The following PTPRK variants were observed in gnomAD, a reference collection of about 807,000 sequenced individuals.
PTPRK encodes receptor-type tyrosine-protein phosphatase kappa.
In PTPRK, 75 loss-of-function variants were observed where a neutral mutation model predicts 178.0. That is an observed-to-expected ratio of 0.42 (90% confidence interval 0.35 to 0.51). The LOEUF (loss-of-function observed/expected upper bound fraction) is 0.51, where lower values mean the gene tolerates loss of function less well. Among genes scored for constraint, PTPRK ranks in the 20% least tolerant of loss-of-function variants. The pLI is 0.02. For missense variants in PTPRK, 1,441 were observed against 1,797.8 expected (o/e 0.80, Z 3.59); for synonymous variants, 637 against 620.6 (o/e 1.03, Z -0.39).
chr6:128,403,979 G>A (rs1051053365), intron 1 of PTPRK, among the ~76,000 whole-genome samples: 4 of 152,112 alleles, frequency 2.6e-5, no homozygotes, highest in African/African-American at 9.7e-5. Flanking sequence ...GCATAGCTAT[G>A]GCTGTACTTG....
At chr6:128,510,610 C>T (rs75644833) in intron 1 of PTPRK, among the ~76,000 whole-genome samples, 2,493 of 152,192 alleles carry the variant, frequency 0.016, 33 homozygotes, top group Non-Finnish European at 0.026. Flanking sequence ...TAAATAAATG[C>T]ATACATGCAA....
rs1428930228 is a variant in PTPRK, at chr6:128,129,790, G to T, written c.1163-39798C>A. Among the ~76,000 whole-genome samples the T allele has an allele frequency of 2.6e-5, 4 of 152,074 alleles. No individual in the cohort carries two copies. The East Asian group carries it at 5.8e-4, about 22-fold the overall frequency. ...AAATTAAGGTATTGCATTTTATTAG[G>T]CATGTCCCTACTCCCATTTTGTATA... On this transcript the variant is annotated intron_variant, in intron 7 of 29. Coordinates refer to ENST00000368226, the MANE Select transcript of PTPRK (RefSeq NM_002844.4).
At chr6:128,503,483 C>T (rs1855859337) in intron 1 of PTPRK, among the ~76,000 whole-genome samples, 1 of 152,154 alleles carries the variant, frequency 6.6e-6, no homozygotes, top group Non-Finnish European at 1.5e-5. Flanking sequence ...TCTAAATAGT[C>T]TGTAAGGTCA....
At chr6:128,379,531 C>T (rs946647106) in intron 2 of PTPRK, among the ~76,000 whole-genome samples, 1 of 152,164 alleles carries the variant, frequency 6.6e-6, no homozygotes, top group Non-Finnish European at 1.5e-5. Flanking sequence ...CTTGATTTTA[C>T]CTTTAAGAAA....
At chr6:127,995,578 C>A in intron 17 of PTPRK, 40 bp from the exon 18 acceptor site, 1 of 1,288,106 alleles carries the variant, frequency 7.8e-7, no homozygotes, top group Non-Finnish European at 1.1e-6. Flanking sequence ...GTTAAATTTT[C>A]CCCCTGTTCT....
chr6:128,383,607 T>C (rs533696705), intron 2 of PTPRK, among the ~76,000 whole-genome samples: 7 of 152,192 alleles, frequency 4.6e-5, no homozygotes, highest in Non-Finnish European at 7.4e-5. Flanking sequence ...CAGAAGAAAG[T>C]TGAGAAAATC....
At chr6:128,244,515 A>G (rs187982040) in intron 3 of PTPRK, among the ~76,000 whole-genome samples, 17 of 152,228 alleles carry the variant, frequency 1.1e-4, no homozygotes, top group Middle Eastern at 3.4e-3. Context: ...GCAGGTCAAC[A>G]CTCCTAATAA....
At position 128,262,857 on chromosome 6, in the gene PTPRK, C is replaced by CAAAAA. The variant is rs747334195; in HGVS notation, c.496-20260_496-20256dup. On this transcript the variant is annotated intron_variant, in intron 3 of 29. Coordinates refer to ENST00000368226, the MANE Select transcript of PTPRK (RefSeq NM_002844.4). ...TTTAGGTGGGTCCAAAACCAATAAC[C>CAAAAA]AAAAAAAAAAAAAAAAAAGTCTAAG... 1.7e-4 allele frequency among the ~76,000 whole-genome samples: 13 copies of CAAAAA among 75,082 alleles called. No homozygotes were observed. The South Asian group carries it at 2.0e-3, about 11-fold the overall frequency. 49.3% of individuals were successfully genotyped at this position (75,082 alleles called of 152,430 possible).
intron 1 of PTPRK, among the ~76,000 whole-genome samples, chr6:128,422,250 T>C (rs575278230): frequency 1.3e-5 from 2 of 152,350 alleles, no homozygotes; most frequent in East Asian, 3.9e-4. Flanking sequence ...GATTTCATTA[T>C]CTTTAATTAG....
At position 128,184,600 on chromosome 6, in the gene PTPRK, T is replaced by A; in HGVS notation, c.994A>T (p.Met332Leu). Residue 332 changes from methionine (M) to leucine (L), a missense_variant, in exon 7 of 30, where the codon ATG (methionine) becomes TTG (leucine). By Grantham distance (15) the Met-to-Leu change is conservative. Coordinates refer to ENST00000368226, the MANE Select transcript of PTPRK (RefSeq NM_002844.4). ...GTTTCTGTCCAGGATCCTGATGTCATTCGGTACTCTACTTCTTTCAGGATG... is the reference window on the plus strand; with the variant it reads ...GTTTCTGTCCAGGATCCTGATGTCAATCGGTACTCTACTTCTTTCAGGATG... The part of the protein sequence containing the change: ...PIILKEVEYR[M>L]TSGSWTETHA... The A allele has an allele frequency of 1.9e-6, 3 of 1,614,036 alleles. No homozygotes were observed. The highest frequency in any genetic ancestry group is 2.5e-6 in the Non-Finnish European group (3 of 1,179,938).
intron 29 of PTPRK, among the ~76,000 whole-genome samples, chr6:127,970,895 A>C (rs1315826711): frequency 6.6e-6 from 1 of 151,768 alleles, no homozygotes; most frequent in Admixed American, 6.6e-5. Context: ...TTTTTTCTCT[A>C]TTTTATAATG....
chr6:128,297,809 A>G (rs1193541523), intron 3 of PTPRK, among the ~76,000 whole-genome samples: 1 of 152,206 alleles, frequency 6.6e-6, no homozygotes, highest in African/African-American at 2.4e-5. Flanking sequence ...CATCACAATT[A>G]AAAGAACTAG....
At chr6:128,434,071 C>T (rs955702632) in intron 1 of PTPRK, among the ~76,000 whole-genome samples, 1 of 151,330 alleles carries the variant, frequency 6.6e-6, no homozygotes, top group Admixed American at 6.6e-5. Flanking sequence ...CTGACAAACC[C>T]ATCTTGATTC....
At chr6:128,423,050 C>T (rs1446108196) in intron 1 of PTPRK, among the ~76,000 whole-genome samples, 1 of 152,184 alleles carries the variant, frequency 6.6e-6, no homozygotes, top group African/African-American at 2.4e-5. Flanking sequence ...GTTCTTAATG[C>T]AGGATCTGAC....
chr6:128,123,962 A>G (rs943824250), intron 7 of PTPRK, among the ~76,000 whole-genome samples: 7 of 152,038 alleles, frequency 4.6e-5, no homozygotes, highest in African/African-American at 1.7e-4. Flanking sequence ...ATCACTGTGG[A>G]TGCCGACCTT....
At chr6:128,435,873 T>C (rs1845522884) in intron 1 of PTPRK, among the ~76,000 whole-genome samples, 2 of 151,978 alleles carry the variant, frequency 1.3e-5, no homozygotes, top group Non-Finnish European at 2.9e-5. Flanking sequence ...AAAAAATGAG[T>C]TCTCAAATAA....
intron 2 of PTPRK, among the ~76,000 whole-genome samples, chr6:128,334,709 A>G (rs1201772030): frequency 6.6e-6 from 1 of 152,210 alleles, no homozygotes; most frequent in Non-Finnish European, 1.5e-5. Context: ...GAAGTTCTTA[A>G]TACAATAAAA....
chr6:128,380,430 C>CTG (rs1329824777), intron 2 of PTPRK, among the ~76,000 whole-genome samples: 1 of 151,892 alleles, frequency 6.6e-6, no homozygotes, highest in Non-Finnish European at 1.5e-5. Flanking sequence ...CCTTAGAGAC[C>CTG]TGTTCAATGT....
At chr6:128,434,083 A>G (rs1414322919) in intron 1 of PTPRK, among the ~76,000 whole-genome samples, 8 of 151,916 alleles carry the variant, frequency 5.3e-5, no homozygotes. Flanking sequence ...TCTTGATTCC[A>G]TTTAGACAAC....
Sources: allele counts gnomAD v4.1 joint callset (sites outside exome capture counted in the v4.1 genomes callset), GRCh38; gene constraint gnomAD v4.1.1; transcripts MANE v1.5; gene names NCBI Gene and HGNC (gene_info 2026-07-23, HGNC 2026-07-21).